Variants in FARP1 observed in about 807,000 individuals in gnomAD.
FARP1 encodes FERM, ARHGEF and pleckstrin domain-containing protein 1.
Under a neutral mutation model 128.8 loss-of-function variants are expected in FARP1, and 52 were observed. The observed-to-expected ratio is 0.40, with a 90% CI of 0.32 to 0.51. The LOEUF is 0.51. Ranked by LOEUF, FARP1 falls within the 20% of genes least tolerant of loss-of-function variation. The pLI, the probability that FARP1 is intolerant of heterozygous loss-of-function variation, is 0.45. For synonymous variants in FARP1, 580 were observed against 551.8 expected (o/e 1.05, Z -0.72); for missense variants, 1,333 against 1,367.9 (o/e 0.97, Z 0.40).
intron 24 of FARP1, among the ~76,000 whole-genome samples, chr13:98,442,343 C>T (rs563915920): frequency 1.3e-5 from 2 of 152,316 alleles, no homozygotes; most frequent in African/African-American, 4.8e-5. Flanking sequence ...TCTCGGGAAA[C>T]GACCTTCCCC....
At chr13:98,289,224 C>A (rs1885338807) in intron 2 of FARP1, among the ~76,000 whole-genome samples, 1 of 152,080 alleles carries the variant, frequency 6.6e-6, no homozygotes, top group Admixed American at 6.6e-5. Context: ...ACACATTAAT[C>A]CGATCATACC....
intron 2 of FARP1, among the ~76,000 whole-genome samples, chr13:98,252,032 G>A (rs1883358301): frequency 6.6e-6 from 1 of 152,068 alleles, no homozygotes; most frequent in African/African-American, 2.4e-5. Context: ...ATTTTTAGTA[G>A]AGACAGGGTT....
At chr13:98,421,493 T>A (rs1468622084) in intron 16 of FARP1, among the ~76,000 whole-genome samples, 1 of 152,198 alleles carries the variant, frequency 6.6e-6, no homozygotes, top group Non-Finnish European at 1.5e-5. Context: ...CCTCTGAACT[T>A]AAGTCCTTTA....
At chr13:98,367,987 G>A (rs1889171435) in intron 4 of FARP1, 130 bp from the exon 5 acceptor site, 1 of 672,184 alleles carries the variant, frequency 1.5e-6, no homozygotes, top group Non-Finnish European at 2.5e-6. Context: ...TAAGTGACTT[G>A]GAAAATGGCA....
intron 1 of FARP1, among the ~76,000 whole-genome samples, chr13:98,143,725 C>G (rs1875263171): frequency 6.6e-6 from 1 of 151,496 alleles, no homozygotes; most frequent in Non-Finnish European, 1.5e-5. Flanking sequence ...CTCCGGGCTG[C>G]CCCCTGCGCC....
intron 19 of FARP1, chr13:98,437,874 G>C (rs779665241): frequency 1.3e-6 from 2 of 1,563,828 alleles, no homozygotes; most frequent in South Asian, 2.2e-5. Flanking sequence ...GATGGAATTG[G>C]GGTACTCCTT....
chr13:98,415,064 T>TC (rs1891325851), intron 16 of FARP1, among the ~76,000 whole-genome samples: 1 of 152,168 alleles, frequency 6.6e-6, no homozygotes, highest in Non-Finnish European at 1.5e-5. Context: ...GGTCAGGAGC[T>TC]CCTTCATCTC....
intron 16 of FARP1, among the ~76,000 whole-genome samples, chr13:98,416,347 G>T (rs1479433886): frequency 1.3e-5 from 2 of 152,198 alleles, no homozygotes; most frequent in Admixed American, 1.3e-4. Context: ...TCGCAGTCCT[G>T]CATGAGACTG....
At chr13:98,343,324 A>G (rs771750257) in intron 2 of FARP1, among the ~76,000 whole-genome samples, 14 of 152,206 alleles carry the variant, frequency 9.2e-5, no homozygotes, top group Non-Finnish European at 1.8e-4. Context: ...TTTACAGCAC[A>G]CGGAGTGAGC....
Position 98,446,772 on chromosome 13 carries a change from C to T in FARP1, c.3011C>T (p.Ser1004Phe), listed in dbSNP as rs1419222294. 10 of 1,614,148 alleles carry T rather than the reference C, an allele frequency of 6.2e-6. No individual in the cohort carries two copies. The highest frequency in any genetic ancestry group is 1.6e-4 in the Middle Eastern group (1 of 6,062). The change falls in exon 26 of 27, where the codon TCC becomes TTC. Residue 1004 changes from serine to phenylalanine, a missense_variant. Ser to Phe is a radical substitution (Grantham distance 155). Around this residue, in one of 2 missense-constraint regions of FARP1, gnomAD observed 1,009 missense variants for 969.8 expected, o/e 1.04. Transcript: ENST00000319562. ...TACGTGTTCAAGCTGCACTTCAAGTCCCACGTCTACTACTTCAGGGCGGAA... is the reference window on the plus strand; with the variant it reads ...TACGTGTTCAAGCTGCACTTCAAGTTCCACGTCTACTACTTCAGGGCGGAA... ...KDYVFKLHFK[S>F]HVYYFRAESE...
chr13:98,238,265 A>G (rs1882553330), intron 2 of FARP1, among the ~76,000 whole-genome samples: 1 of 152,200 alleles, frequency 6.6e-6, no homozygotes, highest in Admixed American at 6.5e-5. Context: ...CAGCAAGACC[A>G]ACCCCTCCTC....
At chr13:98,374,221 T>G in intron 5 of FARP1, among the ~76,000 whole-genome samples, 1 of 152,162 alleles carries the variant, frequency 6.6e-6, no homozygotes, top group Non-Finnish European at 1.5e-5. Context: ...CCTAGCAGTT[T>G]GAGACCAGCC....
chr13:98,372,590 C>A (rs1035920837), intron 5 of FARP1, among the ~76,000 whole-genome samples: 1 of 152,160 alleles, frequency 6.6e-6, no homozygotes, highest in African/African-American at 2.4e-5. Flanking sequence ...TTCTCTTAGA[C>A]TGCAGGAGAA....
chr13:98,211,687 C>A (rs1300665885), intron 1 of FARP1, among the ~76,000 whole-genome samples: 1 of 152,178 alleles, frequency 6.6e-6, no homozygotes, highest in East Asian at 1.9e-4. Flanking sequence ...TATTTTCCAA[C>A]ATTTGAGACC....
intron 2 of FARP1, chr13:98,328,825 G>A (rs1436848652): frequency 6.6e-6 from 1 of 152,236 alleles, no homozygotes; most frequent in Non-Finnish European, 1.5e-5. Context: ...GAGAAGTTAT[G>A]TCCAGGGTGG....
chr13:98,314,886 G>A (rs184074284), intron 2 of FARP1, among the ~76,000 whole-genome samples: 72 of 152,278 alleles, frequency 4.7e-4, no homozygotes, highest in Middle Eastern at 3.4e-3. Flanking sequence ...ATTGTTGGGA[G>A]GAGCTTTGTG....
chr13:98,444,590 G>C (rs1892703971), intron 24 of FARP1, among the ~76,000 whole-genome samples: 1 of 152,210 alleles, frequency 6.6e-6, no homozygotes, highest in Non-Finnish European at 1.5e-5. Flanking sequence ...CGACACAGGG[G>C]AGCGGGAGGC....
chr13:98,194,711 A>G (rs1022702769), intron 1 of FARP1, among the ~76,000 whole-genome samples: 1 of 152,242 alleles, frequency 6.6e-6, no homozygotes, highest in Non-Finnish European at 1.5e-5. Flanking sequence ...ATTTTGATAC[A>G]TCAACAAGGG....
At chr13:98,154,460 C>T (rs545026148) in intron 1 of FARP1, among the ~76,000 whole-genome samples, 6 of 152,240 alleles carry the variant, frequency 3.9e-5, no homozygotes, top group South Asian at 2.1e-4. Context: ...ATTTCTTGGA[C>T]TCTCTGGCAG....
Sources: allele counts gnomAD v4.1 joint callset (sites outside exome capture counted in the v4.1 genomes callset), GRCh38; gene constraint gnomAD v4.1.1; regional missense constraint gnomAD v4.1.1; transcripts MANE v1.5; gene names NCBI Gene and HGNC (gene_info 2026-07-23, HGNC 2026-07-21).